Variants in OPCML observed in about 807,000 individuals in gnomAD.
OPCML encodes opioid binding protein/cell adhesion molecule like, also known as opioid-binding protein/cell adhesion molecule.
OPCML carries 13 observed loss-of-function variants against 37.8 expected under a neutral mutation model. The ratio of observed to expected loss-of-function variants is 0.34; its 90% CI spans 0.22 to 0.55. The LOEUF is 0.55. OPCML is among the 20% of genes least tolerant of loss of function. OPCML has a pLI of 0.91. For missense variants in OPCML, 341 were observed against 435.6 expected (o/e 0.78, Z 1.93); for synonymous variants, 176 against 168.8 (o/e 1.04, Z -0.33).
intron 2 of OPCML, among the ~76,000 whole-genome samples, chr11:132,663,801 G>T (rs1229088959): frequency 6.6e-6 from 1 of 152,104 alleles, no homozygotes; most frequent in Non-Finnish European, 1.5e-5. Flanking sequence ...ATTGCAACCT[G>T]GGATTTAATG....
Position 132,943,162 on chromosome 11 carries a change from G to A in OPCML, c.62-152C>T, listed in dbSNP as rs1342817885. ...CTGGTCCCCCGCCCCGCGCACCAGC[G>A]GGCTCGGGAAGCGGTGCGGGGAGGA... is the stretch of plus-strand genomic sequence containing the variant. On this transcript the variant is annotated intron_variant, in intron 1 of 7. Transcript: ENST00000524381. This position sits in a 1 kb window ranked among gnomAD's most constrained non-coding sequence, Gnocchi z 4.3. 30 of 1,600,172 alleles carry A rather than the reference G, an allele frequency of 1.9e-5. No individual in the cohort carries two copies. Among genetic ancestry groups the A allele is most frequent in the Non-Finnish European group, 2.2e-5 (26 of 1,169,866 alleles).
In OPCML at chr11:133,308,706, C is replaced by T. The variant is rs144996591; in HGVS notation, c.61+223558G>A. Among the ~76,000 whole-genome samples, 759 of 152,006 alleles carry T rather than the reference C, an allele frequency of 5.0e-3. 6 individuals are homozygous for T. The highest frequency in any genetic ancestry group is 0.017 in the African/African-American group (714 of 41,456). ...GGTTTCTAAATACCATTCATCAGTA[C>T]AAAAAAACAAATACCATTCATCAAT... On this transcript the variant is annotated intron_variant, in intron 1 of 7. Transcript: ENST00000524381.
intron 2 of OPCML, among the ~76,000 whole-genome samples, chr11:132,776,735 A>G (rs1946823264): frequency 6.6e-6 from 1 of 152,086 alleles, no homozygotes; most frequent in Non-Finnish European, 1.5e-5. Flanking sequence ...TTTTCTTTAT[A>G]AATTATCCAG....
chr11:132,437,025 C>T (rs958300459), intron 5 of OPCML, 197 bp downstream of exon 5: 118 of 855,794 alleles, frequency 1.4e-4, no homozygotes, highest in Non-Finnish European at 1.5e-4. Flanking sequence ...TCTCCATTTG[C>T]TGAAAACTCT....
At chr11:133,311,736 T>C (rs545523931) in intron 1 of OPCML, among the ~76,000 whole-genome samples, 33 of 152,278 alleles carry the variant, frequency 2.2e-4, no homozygotes, top group African/African-American at 7.9e-4. Context: ...CAGGAGTCCA[T>C]TGTCTGAGAG....
intron 2 of OPCML, among the ~76,000 whole-genome samples, chr11:132,784,905 C>G (rs1947157015): frequency 1.3e-5 from 2 of 152,136 alleles, no homozygotes; most frequent in African/African-American, 4.8e-5. Context: ...TCTGCAGAAC[C>G]ATGAGTCAAA....
intron 2 of OPCML, among the ~76,000 whole-genome samples, chr11:132,874,707 C>T (rs1435595546): frequency 1.3e-5 from 2 of 152,100 alleles, no homozygotes; most frequent in Non-Finnish European, 2.9e-5. Context: ...TGCAAGAAAC[C>T]TTATGAACGA....
chr11:132,869,378 G>A (rs1035149472), intron 2 of OPCML, among the ~76,000 whole-genome samples: 4 of 152,156 alleles, frequency 2.6e-5, no homozygotes, highest in African/African-American at 9.7e-5. Context: ...GCGGAGGGCT[G>A]GTGGGAACAC....
chr11:133,044,910 G>A (rs776585112), intron 1 of OPCML, among the ~76,000 whole-genome samples: 3 of 152,192 alleles, frequency 2.0e-5, no homozygotes, highest in African/African-American at 7.2e-5. Flanking sequence ...ATTTCCAAAT[G>A]AGGACACTAA....
intron 1 of OPCML, among the ~76,000 whole-genome samples, chr11:133,333,244 A>G (rs987680999): frequency 2.0e-4 from 31 of 152,238 alleles, no homozygotes; most frequent in African/African-American, 7.5e-4. Context: ...TTTTTAGTAG[A>G]GACTGGGTTT....
At chr11:133,089,765 TA>T (rs558213786) in intron 1 of OPCML, among the ~76,000 whole-genome samples, 78 of 143,778 alleles carry the variant, frequency 5.4e-4, no homozygotes, top group South Asian at 1.6e-3. Context: ...AACCAACCCC[TA>T]AAAAAAAAAA....
chr11:133,293,448 A>G (rs545472094), intron 1 of OPCML, among the ~76,000 whole-genome samples: 2 of 152,332 alleles, frequency 1.3e-5, no homozygotes, highest in South Asian at 2.1e-4. Context: ...CACCCTGAGT[A>G]TATGCCTGAT....
chr11:133,512,509 G>A (rs1362611837), intron 1 of OPCML, among the ~76,000 whole-genome samples: 4 of 152,118 alleles, frequency 2.6e-5, no homozygotes, highest in African/African-American at 4.8e-5. Context: ...TTCTTACATA[G>A]GCATGACTGA....
chr11:132,792,286 C>G (rs868788499), intron 2 of OPCML, among the ~76,000 whole-genome samples: 5 of 150,406 alleles, frequency 3.3e-5, no homozygotes, highest in Middle Eastern at 3.4e-3. Context: ...TCTCCACTGC[C>G]AAAGAGAAAA....
At chr11:132,726,054 C>T (rs896850840) in intron 2 of OPCML, among the ~76,000 whole-genome samples, 3 of 152,150 alleles carry the variant, frequency 2.0e-5, no homozygotes, top group Non-Finnish European at 4.4e-5. Context: ...GCCACGTTTT[C>T]CTGTCTTCTC....
chr11:132,460,247 A>G (rs1417835815), intron 4 of OPCML, among the ~76,000 whole-genome samples: 1 of 151,816 alleles, frequency 6.6e-6, no homozygotes, highest in Non-Finnish European at 1.5e-5. Context: ...AGTTTGTGGC[A>G]GTGAGGAATG....
chr11:133,353,482 T>C (rs150240005), intron 1 of OPCML, among the ~76,000 whole-genome samples: 15 of 152,174 alleles, frequency 9.9e-5, no homozygotes, highest in Middle Eastern at 3.4e-3. Context: ...TTTTGGCCAG[T>C]CATCTTTAGG....
At chr11:132,993,015 G>C (rs1030888073) in intron 1 of OPCML, among the ~76,000 whole-genome samples, 2 of 152,178 alleles carry the variant, frequency 1.3e-5, no homozygotes, top group African/African-American at 4.8e-5. Flanking sequence ...AGTAGTGCTG[G>C]TTAGGAGTTT....
chr11:132,516,812 G>A (rs55988225), intron 4 of OPCML, among the ~76,000 whole-genome samples: 8,896 of 152,124 alleles, frequency 0.058, 535 homozygotes, highest in African/African-American at 0.16. Flanking sequence ...GCACTCAGTC[G>A]GTGATGACCC....
Sources: gnomAD v4.1 joint callset for allele counts (sites outside exome capture counted in the v4.1 genomes callset) on GRCh38, gnomAD v4.1.1 for gene constraint, Gnocchi (gnomAD v3.1) non-coding constraint, MANE v1.5 for transcripts, NCBI Gene and HGNC (gene_info 2026-07-23, HGNC 2026-07-21) for gene names.